ADGRL2: variants seen among roughly 807,000 people sequenced by gnomAD.
ADGRL2 encodes calcium-independent alpha-latrotoxin receptor 2.
ADGRL2 carries 44 observed loss-of-function variants against 157.4 expected under a neutral mutation model. That is an observed-to-expected ratio of 0.28 (90% CI 0.22 to 0.36). The LOEUF (loss-of-function observed/expected upper bound fraction) is 0.36, where lower values mean the gene tolerates loss of function less well. ADGRL2 is among the 10% of genes least tolerant of loss of function. The pLI is 1.00. For missense variants in ADGRL2, 1,510 were observed against 1,768.9 expected (o/e 0.85, Z 2.63); for synonymous variants, 585 against 624.7 (o/e 0.94, Z 0.95).
In ADGRL2 at chr1:81,772,611, C is replaced by T. The variant is rs372132216; in HGVS notation, c.-101+10759C>T. Among the ~76,000 whole-genome samples the T allele has an allele frequency of 2.1e-4, 32 of 152,092 alleles. No individual in the cohort carries two copies. The East Asian group carries it at 5.8e-3, about 28-fold the overall frequency. On this transcript the variant is annotated intron_variant, in intron 2 of 20. Coordinates refer to the ADGRL2 transcript ENST00000359929. ...GGATGTGGTGGCAGGCACCTGTAAT[C>T]CCAGCTACTCGAGAGGCTGAGGCAG...
intron 1 of ADGRL2, among the ~76,000 whole-genome samples, chr1:81,422,079 T>C (rs1376852189): frequency 6.6e-6 from 1 of 152,118 alleles, no homozygotes; most frequent in East Asian, 1.9e-4. Context: ...ACATTAATCA[T>C]CAAACAAATG....
chr1:81,800,490 A>T (rs2087869640), upstream of ADGRL2: 1 of 151,808 alleles, frequency 6.6e-6, no homozygotes, highest in African/African-American at 2.4e-5. Flanking sequence ...GTGCGTGGAG[A>T]AAAGAGAAAA....
chr1:81,742,143 C>A (rs2085092252), intron 1 of ADGRL2, among the ~76,000 whole-genome samples: 2 of 151,922 alleles, frequency 1.3e-5, no homozygotes, highest in Non-Finnish European at 2.9e-5. Context: ...GTCTACTAGC[C>A]ATATGATTTC....
At chr1:81,582,104 C>T (rs2080927553) in intron 3 of ADGRL2, among the ~76,000 whole-genome samples, 1 of 152,028 alleles carries the variant, frequency 6.6e-6, no homozygotes, top group Non-Finnish European at 1.5e-5. Context: ...CCTGTAACCC[C>T]AGCTCCTGGG....
intron 3 of ADGRL2, among the ~76,000 whole-genome samples, chr1:81,932,645 A>G (rs1461593618): frequency 2.0e-5 from 3 of 152,110 alleles, no homozygotes; most frequent in African/African-American, 4.8e-5. Flanking sequence ...TTCCACTTCC[A>G]GAGTTTCTGA....
At chr1:81,411,426 A>G (rs964244348) in intron 1 of ADGRL2, among the ~76,000 whole-genome samples, 7 of 152,150 alleles carry the variant, frequency 4.6e-5, no homozygotes, top group South Asian at 2.1e-4. Context: ...CAGCAGCCCC[A>G]TGAGGGAGAT....
At chr1:81,936,308 C>G (rs1031998160) in intron 3 of ADGRL2, among the ~76,000 whole-genome samples, 2 of 151,750 alleles carry the variant, frequency 1.3e-5, no homozygotes, top group South Asian at 2.1e-4. Context: ...TTGACTCTTA[C>G]GTTTCTGTTT....
At chr1:81,398,763 C>T (rs2076700306) in intron 1 of ADGRL2, among the ~76,000 whole-genome samples, 1 of 151,624 alleles carries the variant, frequency 6.6e-6, no homozygotes, top group Non-Finnish European at 1.5e-5. Context: ...GCTGAGAAGT[C>T]TGCTGACAGT....
In ADGRL2 at chr1:81,502,545, T is replaced by C. The variant is rs2078876624; in HGVS notation, c.-248+57456T>C. The C allele has an allele frequency of 1.9e-6, 3 of 1,614,008 alleles. No homozygotes were observed. In the East Asian group the frequency reaches 6.7e-5, roughly 36 times the overall value. ...CTGGACCTGTACATGCTGTATAAGCTGGTGACCGAGAAGGGGGGCCTGGTG... is the reference window on the plus strand; with the variant it reads ...CTGGACCTGTACATGCTGTATAAGCCGGTGACCGAGAAGGGGGGCCTGGTG... On this transcript the variant is annotated intron_variant, in intron 2 of 24. Transcript: ENST00000370721.
At chr1:81,666,266 A>G (rs1474882004) in intron 3 of ADGRL2, among the ~76,000 whole-genome samples, 1 of 152,218 alleles carries the variant, frequency 6.6e-6, no homozygotes, top group Non-Finnish European at 1.5e-5. Context: ...GCAGTACCAT[A>G]AACAGACATT....
rs1415175328 is a variant in ADGRL2 at position 81,700,539 on chromosome 1, T to C, written c.-143+731T>C. Among the ~76,000 whole-genome samples, 9 of 152,340 alleles carry C rather than the reference T, an allele frequency of 5.9e-5. 1 individual carries two copies. Among genetic ancestry groups the C allele is most frequent in the Middle Eastern group, 6.8e-3 (2 of 294 alleles). On this transcript the variant is annotated intron_variant, in intron 1 of 20. Transcript: ENST00000359929. ...CGTCACAACTAATTGTTTCTTGGCA[T>C]CAAATAAACAAATTTTTAAAGTTTG...
intron 11 of ADGRL2, 68 bp downstream of exon 11, chr1:81,956,128 A>C: frequency 8.4e-7 from 1 of 1,190,314 alleles, no homozygotes. Flanking sequence ...TGATGTTTCC[A>C]TTCTGTATCT....
In ADGRL2 at chr1:81,993,388, T is replaced by C. The variant is rs1265971525; in HGVS notation, c.*2243T>C. Among the ~76,000 whole-genome samples the C allele has an allele frequency of 2.0e-5, 3 of 151,972 alleles. No individual in the cohort carries two copies. The highest frequency in any genetic ancestry group is 1.5e-5 in the Non-Finnish European group (1 of 67,996). On this transcript the variant is annotated 3_prime_UTR_variant, in exon 24 of 24. Transcript: ENST00000686636. ...ATTGTGTGATGTGTAATTCCTAGTA[T>C]ACAAGCTACCTAGAGTCAGGCTGGT...
chr1:81,764,382 A>G (rs2149320328), intron 2 of ADGRL2, among the ~76,000 whole-genome samples: 1 of 152,154 alleles, frequency 6.6e-6, no homozygotes, highest in Admixed American at 6.5e-5. Flanking sequence ...TAAATGTATA[A>G]ATTTTAGTTA....
intron 2 of ADGRL2, among the ~76,000 whole-genome samples, chr1:81,488,708 A>G (rs555790665): frequency 1.3e-5 from 2 of 151,954 alleles, no homozygotes; most frequent in African/African-American, 4.8e-5. Context: ...CCCTGTCTCA[A>G]AAAGGAGGAA....
upstream of ADGRL2, among the ~76,000 whole-genome samples, chr1:81,795,892 T>C (rs1175038156): frequency 6.6e-6 from 1 of 152,228 alleles, no homozygotes; most frequent in Non-Finnish European, 1.5e-5. Flanking sequence ...TCAACAATTT[T>C]AAAGAAAGTT....
At chr1:81,694,013 T>G (rs1305824969) in intron 3 of ADGRL2, among the ~76,000 whole-genome samples, 1 of 152,208 alleles carries the variant, frequency 6.6e-6, no homozygotes, top group Non-Finnish European at 1.5e-5. Context: ...AGCAATTAAT[T>G]CTGCCCAATG....
chr1:81,716,534 T>A (rs2084123112), intron 1 of ADGRL2, among the ~76,000 whole-genome samples: 1 of 152,108 alleles, frequency 6.6e-6, no homozygotes, highest in African/African-American at 2.4e-5. Context: ...ACAAACTGAG[T>A]AATCTCTACC....
intron 3 of ADGRL2, among the ~76,000 whole-genome samples, chr1:81,634,994 G>T (rs1375260908): frequency 6.6e-6 from 1 of 152,088 alleles, no homozygotes; most frequent in Non-Finnish European, 1.5e-5. Context: ...ACCTCCACAG[G>T]TGCAACCTAG....
Sources: gnomAD v4.1 joint callset for allele counts (sites outside exome capture counted in the v4.1 genomes callset) on GRCh38, gnomAD v4.1.1 for gene constraint, MANE v1.5 for transcripts, NCBI Gene and HGNC (gene_info 2026-07-23, HGNC 2026-07-21) for gene names.